The following CAMTA1 variants were observed in gnomAD, a reference collection of about 807,000 sequenced individuals.
The protein encoded by CAMTA1 is calmodulin-binding transcription activator 1.
In CAMTA1, 27 loss-of-function variants were observed where a neutral mutation model predicts 170.9. That is an observed-to-expected ratio of 0.16 (90% CI 0.12 to 0.22). The LOEUF (loss-of-function observed/expected upper bound fraction) is 0.22. Among genes scored for constraint, CAMTA1 ranks in the 10% least tolerant of loss-of-function variants. The pLI is 1.00. For synonymous variants in CAMTA1, 833 were observed against 891.5 expected (o/e 0.93, Z 1.17); for missense variants, 1,619 against 2,217.2 (o/e 0.73, Z 5.42).
At chr1:6,850,082 C>CTTA (rs1187389613) in intron 3 of CAMTA1, among the ~76,000 whole-genome samples, 1 of 150,882 alleles carries the variant, frequency 6.6e-6, no homozygotes, top group Non-Finnish European at 1.5e-5. Flanking sequence ...CACCTCATGC[C>CTTA]TTATACCAAA....
intron 3 of CAMTA1, among the ~76,000 whole-genome samples, chr1:6,909,592 G>T (rs1571617905): frequency 6.6e-6 from 1 of 152,220 alleles, no homozygotes; most frequent in East Asian, 1.9e-4. Flanking sequence ...GTATGGGATT[G>T]GCGCAGCCCA....
At chr1:7,645,634 G>C (rs2095797705) in intron 7 of CAMTA1, among the ~76,000 whole-genome samples, 1 of 152,254 alleles carries the variant, frequency 6.6e-6, no homozygotes, top group Admixed American at 6.5e-5. Context: ...CCGGAAATCA[G>C]CAGGCAGCTC....
At chr1:6,957,460 C>G (rs1369594838) in intron 3 of CAMTA1, among the ~76,000 whole-genome samples, 2 of 152,108 alleles carry the variant, frequency 1.3e-5, no homozygotes. Context: ...GGGCTGTGTT[C>G]TATTCTGGAC....
chr1:7,178,685 C>T (rs920637568), intron 4 of CAMTA1, among the ~76,000 whole-genome samples: 5 of 152,082 alleles, frequency 3.3e-5, no homozygotes, highest in Non-Finnish European at 5.9e-5. Flanking sequence ...GTGGGGGTTC[C>T]GTAAAGAGCT....
chr1:7,576,552 G>A (rs2095195910), intron 6 of CAMTA1, among the ~76,000 whole-genome samples: 2 of 152,192 alleles, frequency 1.3e-5, no homozygotes, highest in African/African-American at 2.4e-5. Flanking sequence ...CCAGGAAGGG[G>A]CCTCACCAGA....
intron 4 of CAMTA1, among the ~76,000 whole-genome samples, chr1:7,174,598 G>A (rs1361209316): frequency 2.6e-5 from 4 of 152,340 alleles, no homozygotes; most frequent in South Asian, 4.1e-4. Context: ...CAGAGGCTGG[G>A]GGGACCACTT....
chr1:7,654,869 TAC>T (rs201128301), intron 7 of CAMTA1, among the ~76,000 whole-genome samples: 1,471 of 128,824 alleles, frequency 0.011, 38 homozygotes, highest in African/African-American at 0.043. Flanking sequence ...TACCCACCTA[TAC>T]ACACACATCT....
rs995825911 is a variant in CAMTA1 at position 7,748,677 on chromosome 1, C to T, written c.4689+896C>T. Among the ~76,000 whole-genome samples, 14 of 152,142 alleles carry T rather than the reference C, an allele frequency of 9.2e-5. No individual in the cohort carries two copies. The highest frequency in any genetic ancestry group is 3.4e-4 in the African/African-American group (14 of 41,434). ...TTATATAAGGTATTTAATCTTTGGC[C>T]ATTTTCCTTTCAGCTTCTTATCCAT... On this transcript the variant is annotated intron_variant, in intron 19 of 22. Transcript: ENST00000303635. The surrounding 1 kb of genome is among the most constrained non-coding windows in gnomAD (Gnocchi z 4.7).
chr1:7,102,179 G>C (rs1027092229), intron 4 of CAMTA1, among the ~76,000 whole-genome samples: 2 of 152,166 alleles, frequency 1.3e-5, no homozygotes, highest in East Asian at 1.9e-4. Flanking sequence ...TTTTCTCCTC[G>C]AAGAAAAAAT....
intron 6 of CAMTA1, among the ~76,000 whole-genome samples, chr1:7,556,816 A>C (rs2094884854): frequency 6.6e-6 from 1 of 152,040 alleles, no homozygotes; most frequent in Middle Eastern, 3.2e-3. Flanking sequence ...GGAATTTTGG[A>C]TCCAAAAGGG....
intron 6 of CAMTA1, among the ~76,000 whole-genome samples, chr1:7,611,635 C>A (rs1316467042): frequency 6.6e-6 from 1 of 152,250 alleles, no homozygotes; most frequent in African/African-American, 2.4e-5. Context: ...AAGAGTCTGA[C>A]AAGAGCTGTG....
At chr1:7,480,261 A>AG (rs879398823) in intron 6 of CAMTA1, among the ~76,000 whole-genome samples, 8,231 of 90,930 alleles carry the variant, frequency 0.091, 252 homozygotes, top group South Asian at 0.2. Flanking sequence ...GCATGTGTGT[A>AG]TGTGTGTGAG....
chr1:6,985,643 A>G (rs946427521), intron 3 of CAMTA1, among the ~76,000 whole-genome samples: 3 of 152,240 alleles, frequency 2.0e-5, no homozygotes, highest in Non-Finnish European at 2.9e-5. Context: ...AATTTCTACA[A>G]TAACAGTTGT....
At chr1:7,669,683 G>A (rs984792342) in intron 9 of CAMTA1, among the ~76,000 whole-genome samples, 10 of 152,192 alleles carry the variant, frequency 6.6e-5, no homozygotes, top group African/African-American at 1.9e-4. Flanking sequence ...GCAGCTCTCC[G>A]CCCCACTGCA....
At chr1:6,870,541 T>A (rs1284855735) in intron 3 of CAMTA1, among the ~76,000 whole-genome samples, 1 of 152,176 alleles carries the variant, frequency 6.6e-6, no homozygotes, top group African/African-American at 2.4e-5. Flanking sequence ...ATAAAATCCT[T>A]TTGGAAGTTG....
chr1:7,475,062 CA>C (rs1467212805), intron 6 of CAMTA1, among the ~76,000 whole-genome samples: 2 of 152,264 alleles, frequency 1.3e-5, no homozygotes, highest in African/African-American at 4.8e-5. Context: ...TCTTCCCTGG[CA>C]GGCCATCTCT....
At chr1:6,910,032 A>G (rs1679366337) in intron 3 of CAMTA1, among the ~76,000 whole-genome samples, 1 of 152,344 alleles carries the variant, frequency 6.6e-6, no homozygotes, top group South Asian at 2.1e-4. Context: ...CTTTCTCACA[A>G]TGTGCCATTG....
In CAMTA1 at chr1:7,609,643, C is replaced by T. The variant is rs746243580; in HGVS notation, c.511-30757C>T. ...TGGCTGTCACCCATGTCCTGGTGAC[C>T]TTGCTGAGGACATTGGAGCTCCAGC... On this transcript the variant is annotated intron_variant, in intron 6 of 22. Coordinates refer to ENST00000303635, the MANE Select transcript of CAMTA1 (RefSeq NM_015215.4). The surrounding 1 kb of genome is among the most constrained non-coding windows in gnomAD (Gnocchi z 4.4). Among the ~76,000 whole-genome samples, 6 of 152,162 alleles carry T rather than the reference C, an allele frequency of 3.9e-5. No homozygotes were observed. Among genetic ancestry groups the T allele is most frequent in the Non-Finnish European group, 8.8e-5 (6 of 68,034 alleles).
At chr1:6,864,004 G>A (rs1432061947) in intron 3 of CAMTA1, among the ~76,000 whole-genome samples, 2 of 152,032 alleles carry the variant, frequency 1.3e-5, no homozygotes, top group South Asian at 2.1e-4. Flanking sequence ...TGTTTTTCTC[G>A]TGATTAGACT....
Sources: allele counts gnomAD v4.1 joint callset (sites outside exome capture counted in the v4.1 genomes callset), GRCh38; gene constraint gnomAD v4.1.1; non-coding constraint Gnocchi (gnomAD v3.1); transcripts MANE v1.5; gene names NCBI Gene and HGNC (gene_info 2026-07-23, HGNC 2026-07-21).